Variants in BICC1 observed in about 807,000 individuals in gnomAD.
BICC1 encodes the protein protein bicaudal C homolog 1.
Under a neutral mutation model 111.0 loss-of-function variants are expected in BICC1, and 43 were observed. The observed-to-expected ratio is 0.39, with a 90% CI of 0.30 to 0.50. BICC1 has a LOEUF of 0.50. Among genes scored for constraint, BICC1 ranks in the 20% least tolerant of loss-of-function variants. The pLI is 0.88. For synonymous variants in BICC1, 467 were observed against 434.4 expected (o/e 1.07, Z -0.93); for missense variants, 1,091 against 1,203.2 (o/e 0.91, Z 1.38).
At chr10:58,601,415 A>G (rs940413735) in intron 1 of BICC1, among the ~76,000 whole-genome samples, 16 of 151,610 alleles carry the variant, frequency 1.1e-4, no homozygotes, top group Non-Finnish European at 2.4e-4. Flanking sequence ...AATCCAAATC[A>G]TCTTTTCAAA....
chr10:58,659,697 C>A (rs527768527), intron 2 of BICC1, among the ~76,000 whole-genome samples: 1 of 151,984 alleles, frequency 6.6e-6, no homozygotes, highest in Non-Finnish European at 1.5e-5. Context: ...TGCACATGTA[C>A]CCCTGAAACC....
chr10:58,740,937 C>T (rs569940376), intron 3 of BICC1, among the ~76,000 whole-genome samples: 5 of 152,148 alleles, frequency 3.3e-5, no homozygotes, highest in East Asian at 3.9e-4. Context: ...TTTCATTAAC[C>T]GTGGGAAATT....
intron 2 of BICC1, chr10:58,648,597 C>G: frequency 1.0e-6 from 1 of 981,656 alleles, no homozygotes; most frequent in South Asian, 4.7e-5. Context: ...CTCTCTCTCT[C>G]TTTCTCTCTC....
rs145798114 is a variant in BICC1, at chr10:58,551,426, T to C, written c.190+38093T>C. Among the ~76,000 whole-genome samples the C allele has an allele frequency of 1.9e-4, 29 of 152,326 alleles. No individual in the cohort carries two copies. In the East Asian group the frequency reaches 5.6e-3, roughly 29 times the overall value. ...ATGATGTTTTGATATATGTACATAT[T>C]GTGGAATAGCTCAAATGAGCTAATT... On this transcript the variant is annotated intron_variant, in intron 1 of 20. Transcript: ENST00000373886.
Position 58,592,714 on chromosome 10 carries a change from G to GAA in BICC1, c.191-28128_191-28127dup, listed in dbSNP as rs746433317. ...TGGGTGACAGAGTGAGACTCCGTGT[G>GAA]AAAAAAAAAAAAAATAGCTGGGCCT... On this transcript the variant is annotated intron_variant, in intron 1 of 20. Transcript: ENST00000373886. 4.4e-4 allele frequency among the ~76,000 whole-genome samples: 57 copies of GAA among 130,602 alleles called. 1 individual carries two copies. Among genetic ancestry groups the GAA allele is most frequent in the African/African-American group, 1.6e-3 (57 of 35,380 alleles). 85.7% of individuals were successfully genotyped at this position (130,602 alleles called of 152,430 possible).
At chr10:58,647,965 T>C (rs772083654) in intron 2 of BICC1, among the ~76,000 whole-genome samples, 2 of 152,218 alleles carry the variant, frequency 1.3e-5, no homozygotes, top group Non-Finnish European at 2.9e-5. Context: ...TACACTGCAT[T>C]AGTAATGCAT....
At chr10:58,555,306 ATTTTTTTTTTTTT>A (rs61692850) in intron 1 of BICC1, among the ~76,000 whole-genome samples, 2 of 102,536 alleles carry the variant, frequency 2.0e-5, no homozygotes, top group African/African-American at 3.9e-5. Context: ...GCTGTTGGAC[ATTTTTTTTTTTTT>A]TTTTTTTTTT....
At chr10:58,683,133 A>G (rs1336271072) in intron 2 of BICC1, among the ~76,000 whole-genome samples, 1 of 152,202 alleles carries the variant, frequency 6.6e-6, no homozygotes, top group African/African-American at 2.4e-5. Context: ...CATTTATTAA[A>G]TAGGGAATCC....
At chr10:58,628,969 A>T (rs1010402952) in intron 2 of BICC1, among the ~76,000 whole-genome samples, 2 of 152,152 alleles carry the variant, frequency 1.3e-5, no homozygotes, top group Admixed American at 1.3e-4. Flanking sequence ...TAGCTTGGAG[A>T]CAATGTGGCA....
intron 3 of BICC1, among the ~76,000 whole-genome samples, chr10:58,721,377 G>T (rs921981242): frequency 2.6e-5 from 4 of 152,082 alleles, no homozygotes; most frequent in African/African-American, 9.7e-5. Flanking sequence ...AACTAAGATG[G>T]GTATCTTGGA....
chr10:58,816,540 G>T (rs987235202), intron 18 of BICC1, among the ~76,000 whole-genome samples: 1 of 152,132 alleles, frequency 6.6e-6, no homozygotes. Context: ...TGCAGAACAA[G>T]ATTCCTAGAT....
At chr10:58,592,339 A>G (rs1258472302) in intron 1 of BICC1, among the ~76,000 whole-genome samples, 1 of 152,134 alleles carries the variant, frequency 6.6e-6, no homozygotes, top group East Asian at 1.9e-4. Flanking sequence ...AACAGCTAGA[A>G]CTGAGTTAAT....
rs114272431 is a variant in BICC1, at chr10:58,531,387, T to C, written c.190+18054T>C. ...CATAGGCTCAGAAAAAATTCATCTC[T>C]GTAAAAGGTTTGAGAGACCGCCAGA... On this transcript the variant is annotated intron_variant, in intron 1 of 20. Transcript: ENST00000373886. 5.6e-3 allele frequency among the ~76,000 whole-genome samples: 850 copies of C among 151,956 alleles called. 6 individuals carry two copies. The highest frequency in any genetic ancestry group is 0.02 in the African/African-American group (811 of 41,512).
chr10:58,602,961 C>A (rs973452836), intron 1 of BICC1, among the ~76,000 whole-genome samples: 1 of 152,154 alleles, frequency 6.6e-6, no homozygotes, highest in East Asian at 1.9e-4. Context: ...CACTGGACAC[C>A]TGCTGATTTA....
At chr10:58,722,194 A>G (rs1371060833) in intron 3 of BICC1, among the ~76,000 whole-genome samples, 1 of 152,242 alleles carries the variant, frequency 6.6e-6, no homozygotes, top group African/African-American at 2.4e-5. Flanking sequence ...ATGAGCAGTC[A>G]TACCTGAGTT....
Position 58,813,871 on chromosome 10 carries a change from C to T in BICC1, c.2418C>T (p.His806=). 6.2e-7 allele frequency: 1 copy of T among 1,613,928 alleles called. No homozygotes were observed. ...TTTCACGGTCCAACAGTCGTGAGCACTTGGGAGGTGGAAGCGAATCTGATA... is the reference window on the plus strand; with the variant it reads ...TTTCACGGTCCAACAGTCGTGAGCATTTGGGAGGTGGAAGCGAATCTGATA... ...MSLSRSNSRE[H]LGGGSESDNW... Residue 806 remains histidine, a synonymous_variant, in exon 18 of 21, where the codon CAC becomes CAT. Coordinates refer to ENST00000373886, the MANE Select transcript of BICC1 (RefSeq NM_001080512.3).
chr10:58,742,367 A>G (rs1463063110), intron 3 of BICC1, among the ~76,000 whole-genome samples: 1 of 149,656 alleles, frequency 6.7e-6, no homozygotes, highest in Non-Finnish European at 1.5e-5. Context: ...TGAATGAATT[A>G]TTATATCTCA....
At chr10:58,634,132 C>T (rs1244044944) in intron 2 of BICC1, among the ~76,000 whole-genome samples, 1 of 151,760 alleles carries the variant, frequency 6.6e-6, no homozygotes, top group African/African-American at 2.4e-5. Flanking sequence ...GCTGGGATTA[C>T]AGGTGCACGC....
rs748283540 is a variant in BICC1 at position 58,799,174 on chromosome 10, G to A, written c.1647G>A (p.Leu549=). ...CAGCTCCATCTCCCCCTCCTGGCTTGACTCCTGTTGATGTCCATATCAACA... is the reference window on the plus strand; with the variant it reads ...CAGCTCCATCTCCCCCTCCTGGCTTAACTCCTGTTGATGTCCATATCAACA... ...GHTAPSPPPG[L]TPVDVHINSM... The change falls in exon 12 of 21, where the codon TTG becomes TTA. Residue 549 remains leucine, a synonymous_variant. Coordinates refer to ENST00000373886, the MANE Select transcript of BICC1 (RefSeq NM_001080512.3). 1.5e-5 allele frequency: 25 copies of A among 1,613,680 alleles called. No individual in the cohort carries two copies. In the South Asian group the frequency reaches 2.5e-4, roughly 16 times the overall value.
Sources: gnomAD v4.1 joint callset for allele counts (sites outside exome capture counted in the v4.1 genomes callset) on GRCh38, gnomAD v4.1.1 for gene constraint, MANE v1.5 for transcripts, NCBI Gene and HGNC (gene_info 2026-07-23, HGNC 2026-07-21) for gene names.